The following FGF5 variants were observed in gnomAD, a reference collection of about 807,000 sequenced individuals.
FGF5 encodes the protein heparin-binding growth factor 5.
A neutral mutation model predicts 21.8 loss-of-function variants in FGF5; 23 were observed. The observed-to-expected ratio is 1.05, with a 90% confidence interval of 0.76 to 1.49. The LOEUF (loss-of-function observed/expected upper bound fraction) is 1.49. Ranked by LOEUF, FGF5 falls within the 40% of genes most tolerant of loss-of-function variation. FGF5 has a pLI of 0.00. For missense variants in FGF5, 352 were observed against 332.9 expected (o/e 1.06, Z -0.45); for synonymous variants, 158 against 124.0 (o/e 1.27, Z -1.82).
At chr4:80,268,647 GA>G (rs1720183090) in intron 1 of FGF5, 1 of 417,758 alleles carries the variant, frequency 2.4e-6, no homozygotes, top group Non-Finnish European at 3.2e-6. Context: ...CATGCTGAGA[GA>G]AAAGCAGGTC....
chr4:80,282,454 GTTA>G (rs1459919273), intron 2 of FGF5, among the ~76,000 whole-genome samples: 3 of 151,902 alleles, frequency 2.0e-5, no homozygotes, highest in Admixed American at 6.6e-5. Context: ...AATGTAACCT[GTTA>G]TTATTCTTGC....
rs954266352 is a variant in FGF5, at chr4:80,289,520, T to A, written c.*2848T>A. The A allele has an allele frequency of 6.6e-6, 1 of 152,182 alleles. No homozygotes were observed. Among genetic ancestry groups the A allele is most frequent in the African/African-American group, 2.4e-5 (1 of 41,446 alleles). The allele number at this position is 152,182 out of a possible 1,614,324, so 9.4% of individuals were successfully genotyped here. A position where few individuals can be genotyped will look rare whatever the true frequency, so the allele number is the denominator to read the frequency against. ...CATCTAAACACAACAATAACTTTTA[T>A]ATTAATATTTAGGAGTCTATTTTGT... On this transcript the variant is annotated 3_prime_UTR_variant, in exon 3 of 3. Coordinates refer to ENST00000312465, the MANE Select transcript of FGF5 (RefSeq NM_004464.4).
intron 2 of FGF5, among the ~76,000 whole-genome samples, chr4:80,284,953 CT>C (rs910363903): frequency 1.3e-5 from 2 of 152,150 alleles, no homozygotes; most frequent in African/African-American, 4.8e-5. Flanking sequence ...CACGGGAATT[CT>C]GTGTAAATAG....
rs1165126468 is a variant in FGF5, at chr4:80,282,107, C to T, written c.460-4218C>T. Among the ~76,000 whole-genome samples the T allele has an allele frequency of 3.9e-5, 6 of 152,188 alleles. No individual in the cohort carries two copies. The South Asian group carries it at 6.2e-4, about 16-fold the overall frequency. On this transcript the variant is annotated intron_variant, in intron 2 of 2. Transcript: ENST00000312465. ...TCTCCTGAGTAGTTGAGATTACAGG[C>T]GCGCACAACCACACCTGGCTGATTT...
At chr4:80,283,255 T>C (rs954194435) in intron 2 of FGF5, among the ~76,000 whole-genome samples, 5 of 152,198 alleles carry the variant, frequency 3.3e-5, no homozygotes, top group African/African-American at 4.8e-5. Context: ...CTGTGTGTAC[T>C]GTGTAGATCC....
At chr4:80,275,120 A>G in intron 2 of FGF5, 108 bp downstream of exon 2, 1 of 492,986 alleles carries the variant, frequency 2.0e-6, no homozygotes, top group Non-Finnish European at 3.6e-6. Context: ...CAAAGAACTT[A>G]ACTTTTAAAA....
Position 80,266,794 on chromosome 4 carries a change from A to G in FGF5, c.-31A>G. On this transcript the variant is annotated 5_prime_UTR_variant, in exon 1 of 3. Transcript: ENST00000312465. ...TACAGAGCCCAGAATCAGCCCTACA[A>G]GATGCACTTAGGACCCCCGCGGCTG... 6.5e-7 allele frequency: 1 copy of G among 1,528,368 alleles called. No homozygotes were observed. The highest frequency in any genetic ancestry group is 1.4e-5 in the African/African-American group (1 of 72,476). 94.7% of individuals were successfully genotyped at this position (1,528,368 alleles called of 1,614,324 possible).
rs1284110194 is a variant in FGF5 at position 80,267,006 on chromosome 4, C to T, written c.182C>T (p.Ser61Phe). The T allele has an allele frequency of 1.9e-6, 3 of 1,614,234 alleles. No individual in the cohort carries two copies. The highest frequency in any genetic ancestry group is 1.3e-5 in the African/African-American group (1 of 75,080). Residue 61 changes from serine to phenylalanine, a missense_variant, in exon 1 of 3, where the codon TCC (serine) becomes TTC (phenylalanine). Ser to Phe is a radical substitution (Grantham distance 155, BLOSUM62 -2). Coordinates refer to ENST00000312465, the MANE Select transcript of FGF5 (RefSeq NM_004464.4). ...SSAMSSSSAS[S>F]SPAASLGSQG... ...GCTATGTCTTCCTCTTCTGCCTCCT[C>T]CTCCCCCGCAGCTTCTCTGGGCAGC...
chr4:80,287,081 G>GT lies in FGF5; in HGVS notation c.*418dup, dbSNP rs33946030. ...CAGATAAAATATTTTGTTAACTTTT[G>GT]TTTTTTTTTGTTTGTTTTCTTAAAA... On this transcript the variant is annotated 3_prime_UTR_variant, in exon 3 of 3. Coordinates refer to ENST00000312465, the MANE Select transcript of FGF5 (RefSeq NM_004464.4). 3.1e-3 allele frequency: 481 copies of GT among 154,852 alleles called. 3 individuals are homozygous for GT. The highest frequency in any genetic ancestry group is 9.6e-3 in the African/African-American group (395 of 40,990). The allele number at this position is 154,852 out of a possible 1,614,324, so 9.6% of individuals were successfully genotyped here.
chr4:80,267,654 T>C (rs187102809), intron 1 of FGF5, among the ~76,000 whole-genome samples: 35 of 152,274 alleles, frequency 2.3e-4, no homozygotes, highest in Non-Finnish European at 4.6e-4. Context: ...TTCCATCCGC[T>C]ACCATAAACC....
intron 1 of FGF5, 37 bp downstream of exon 1, chr4:80,267,216 C>A (rs774581850): frequency 6.6e-7 from 1 of 1,520,230 alleles, no homozygotes; most frequent in South Asian, 1.3e-5. Flanking sequence ...CCGTCCTAGG[C>A]GGCCGCGGAA....
At chr4:80,275,307 G>A (rs1474198104) in intron 2 of FGF5, among the ~76,000 whole-genome samples, 1 of 151,916 alleles carries the variant, frequency 6.6e-6, no homozygotes, top group Non-Finnish European at 1.5e-5. Context: ...GCCCACGTAA[G>A]AAGGAATATG....
chr4:80,274,015 T>A (rs1720340320), intron 1 of FGF5, among the ~76,000 whole-genome samples: 2 of 152,148 alleles, frequency 1.3e-5, no homozygotes, highest in Admixed American at 1.3e-4. Flanking sequence ...TATGCTCTTT[T>A]CATGTTCATA....
At chr4:80,269,814 G>A (rs1367317528) in intron 1 of FGF5, among the ~76,000 whole-genome samples, 1 of 151,296 alleles carries the variant, frequency 6.6e-6, no homozygotes, top group Non-Finnish European at 1.5e-5. Context: ...CCAGAAGAAA[G>A]CATAGCAAAT....
At position 80,266,730 on chromosome 4, in the gene FGF5, G is replaced by A. The variant is rs1720097956; in HGVS notation, c.-95G>A. The A allele has an allele frequency of 4.7e-6, 5 of 1,074,644 alleles. No individual in the cohort carries two copies. The highest frequency in any genetic ancestry group is 5.4e-6 in the Non-Finnish European group (4 of 746,472). The allele number at this position is 1,074,644 out of a possible 1,614,324, so 66.6% of individuals were successfully genotyped here. A position where few individuals can be genotyped will look rare whatever the true frequency, so the allele number is the denominator to read the frequency against. On this transcript the variant is annotated 5_prime_UTR_variant, in exon 1 of 3. Transcript: ENST00000312465. ...CGAGGCTATGTCCACCCGGTGCGGC[G>A]AGGCGGGCAGAGCCAGAGGCACGCA...
chr4:80,267,049 G>T lies in FGF5; in HGVS notation c.225G>T (p.Glu75Asp), dbSNP rs147750874. Reference protein sequence around the residue: ...ASLGSQGSGLEQSSFQWSPSG... With the variant: ...ASLGSQGSGLDQSSFQWSPSG... Reference sequence around the variant, plus strand: ...TGGGCAGCCAAGGAAGTGGCTTGGAGCAGAGCAGTTTCCAGTGGAGCCCCT... The same window carrying T: ...TGGGCAGCCAAGGAAGTGGCTTGGATCAGAGCAGTTTCCAGTGGAGCCCCT... The change falls in exon 1 of 3, where the codon GAG becomes GAT. Residue 75 changes from glutamate to aspartate, a missense_variant. Transcript: ENST00000312465. The T allele has an allele frequency of 6.2e-7, 1 of 1,614,140 alleles. No homozygotes were observed. The highest frequency in any genetic ancestry group is 1.3e-5 in the African/African-American group (1 of 74,956).
At chr4:80,283,798 A>C (rs1175454633) in intron 2 of FGF5, among the ~76,000 whole-genome samples, 1 of 152,098 alleles carries the variant, frequency 6.6e-6, no homozygotes, top group Non-Finnish European at 1.5e-5. Flanking sequence ...CCGAGACAAG[A>C]TAAATATACC....
At chr4:80,276,766 TA>T (rs200626494) in intron 2 of FGF5, among the ~76,000 whole-genome samples, 4,613 of 139,156 alleles carry the variant, frequency 0.033, 184 homozygotes, top group African/African-American at 0.11. Flanking sequence ...GAAAAAAAAG[TA>T]AAAAAAAAAA....
intron 1 of FGF5, among the ~76,000 whole-genome samples, 164 bp from the exon 2 acceptor site, chr4:80,274,742 CTTT>C (rs1306898558): frequency 3.3e-5 from 5 of 151,974 alleles, no homozygotes; most frequent in Non-Finnish European, 7.4e-5. Flanking sequence ...TCCTAGCCTT[CTTT>C]GTTTTTAACA....
Sources: gnomAD v4.1 joint callset for allele counts (sites outside exome capture counted in the v4.1 genomes callset) on GRCh38, gnomAD v4.1.1 for gene constraint, MANE v1.5 for transcripts, NCBI Gene and HGNC (gene_info 2026-07-23, HGNC 2026-07-21) for gene names.